The following MIIP variants were observed in gnomAD, a reference collection of about 807,000 sequenced individuals.
MIIP encodes the protein migration and invasion-inhibitory protein.
Under a neutral mutation model 44.8 loss-of-function variants are expected in MIIP, and 44 were observed. The ratio of observed to expected loss-of-function variants is 0.98; its 90% CI spans 0.77 to 1.26. The LOEUF (loss-of-function observed/expected upper bound fraction) is 1.26. MIIP is among the 50% of genes most tolerant of loss of function. MIIP has a pLI of 0.00. For missense variants in MIIP, 496 were observed against 511.7 expected (o/e 0.97, Z 0.30); for synonymous variants, 225 against 218.3 (o/e 1.03, Z -0.27).
chr1:12,029,044 A>T lies in MIIP; in HGVS notation c.559A>T (p.Thr187Ser), dbSNP rs760984578. The part of the protein sequence containing the change: ...GYDWIAGSLD[T>S]SSSITSQPEA... ...TTTGCCCACACCAGGGTCTCTGGAC[A>T]CCAGCTCTTCCATCACCAGCCAGCC... The change falls in exon 5 of 10, where the codon ACC (threonine) becomes TCC (serine). Residue 187 changes from threonine (T) to serine (S), a missense_variant. Thr to Ser is a moderately conservative substitution (Grantham distance 58). Coordinates refer to ENST00000235332, the MANE Select transcript of MIIP (RefSeq NM_021933.4). The T allele has an allele frequency of 2.5e-6, 4 of 1,614,044 alleles. No individual in the cohort carries two copies. In the South Asian group the frequency reaches 3.3e-5, roughly 13 times the overall value.
In MIIP at chr1:12,022,438, C is replaced by T; in HGVS notation, c.458C>T (p.Ser153Phe). 6.5e-7 allele frequency: 1 copy of T among 1,547,194 alleles called. No individual in the cohort carries two copies. Among genetic ancestry groups the T allele is most frequent in the Non-Finnish European group, 8.7e-7 (1 of 1,147,584 alleles). ...RSILAQQSKL[S>F]KPRVTFSEES... is the part of the protein sequence containing the mutation. ...ATCCTGGCTCAACAGAGCAAGCTGT[C>T]CAAGGTAACGTGGGAGAGCGGGACA... The change falls in exon 3 of 10, where the codon TCC becomes TTC. Residue 153 changes from serine (S) to phenylalanine (F), a missense_variant. Ser to Phe is a radical substitution (Grantham distance 155). Transcript: ENST00000235332.
chr1:12,020,580 T>C (rs1313049097), intron 1 of MIIP, among the ~76,000 whole-genome samples: 1 of 152,228 alleles, frequency 6.6e-6, no homozygotes, highest in Non-Finnish European at 1.5e-5. Context: ...TGATCTCCAC[T>C]CACTACAACC....
At chr1:12,025,040 G>GTT (rs1640074638) in intron 4 of MIIP, among the ~76,000 whole-genome samples, 7 of 138,846 alleles carry the variant, frequency 5.0e-5, no homozygotes, top group African/African-American at 5.5e-5. Context: ...TTTTTTTTTT[G>GTT]TTTTTTGTTT....
rs545231878 is a variant in MIIP at position 12,031,019 on chromosome 1, G to A, written c.943-247G>A. The A allele has an allele frequency of 3.7e-5, 19 of 512,800 alleles. No individual in the cohort carries two copies. The East Asian group carries it at 6.0e-4, about 16-fold the overall frequency. 31.8% of individuals were successfully genotyped at this position (512,800 alleles called of 1,614,324 possible). ...GTGCTTGGAGAGCCTACAGCAGGAA[G>A]TACCCTGTGAATGTCACTGTCACCG... On this transcript the variant is annotated intron_variant, in intron 8 of 9. Transcript: ENST00000235332.
At chr1:12,029,700 G>A in intron 6 of MIIP, 65 bp from the exon 7 acceptor site, 4 of 1,576,416 alleles carry the variant, frequency 2.5e-6, no homozygotes, top group Non-Finnish European at 3.5e-6. Flanking sequence ...GCTGAGGGCA[G>A]CACGGAGCCT....
chr1:12,021,254 C>T (rs1360908742), intron 1 of MIIP, among the ~76,000 whole-genome samples: 1 of 151,606 alleles, frequency 6.6e-6, no homozygotes, highest in Admixed American at 6.6e-5. Flanking sequence ...ATTAGCTGGG[C>T]GTGGTGGCAG....
chr1:12,020,518 G>A (rs187599672), intron 1 of MIIP, among the ~76,000 whole-genome samples: 7 of 151,982 alleles, frequency 4.6e-5, no homozygotes, highest in Non-Finnish European at 5.9e-5. Flanking sequence ...TTTGTATTTT[G>A]TGTGTGTGTG....
intron 4 of MIIP, among the ~76,000 whole-genome samples, chr1:12,027,252 T>G (rs1640123071): frequency 6.6e-6 from 1 of 152,174 alleles, no homozygotes; most frequent in African/African-American, 2.4e-5. Context: ...TCAAGTGATC[T>G]GCCCGCCTTG....
At position 12,022,257 on chromosome 1, in the gene MIIP, G is replaced by A. The variant is rs1167084182; in HGVS notation, c.277G>A (p.Ala93Thr). The change falls in exon 3 of 10, where the codon GCC becomes ACC. Residue 93 changes from alanine to threonine, a missense_variant. By Grantham distance (58) the Ala-to-Thr change is moderately conservative (BLOSUM62 0). Transcript: ENST00000235332. ...DLRDVARSGVASLPPAKCQHQ... is the reference protein window; with the variant it reads ...DLRDVARSGVTSLPPAKCQHQ... ...CCGTGATGTGGCCAGATCGGGGGTG[G>A]CCTCTCTCCCACCTGCCAAATGCCA... is the stretch of plus-strand genomic sequence containing the variant. 6.2e-7 allele frequency: 1 copy of A among 1,613,536 alleles called. No individual in the cohort carries two copies. The highest frequency in any genetic ancestry group is 1.1e-5 in the South Asian group (1 of 91,024).
chr1:12,028,800 C>T (rs1640158605), intron 4 of MIIP: 1 of 554,500 alleles, frequency 1.8e-6, no homozygotes, highest in Admixed American at 3.1e-5. Flanking sequence ...CATAAGGGCT[C>T]TGTCGATATT....
chr1:12,030,060 C>G lies in MIIP; in HGVS notation c.878C>G (p.Pro293Arg), dbSNP rs755192697. 2 of 1,613,396 alleles carry G rather than the reference C, an allele frequency of 1.2e-6. No individual in the cohort carries two copies. The highest frequency in any genetic ancestry group is 2.7e-5 in the African/African-American group (2 of 74,912). The change falls in exon 8 of 10, where the codon CCG becomes CGG. Residue 293 changes from proline to arginine, a missense_variant. Transcript: ENST00000235332. ...ATCCCGCTGTCGATCCTGGAGCCCC[C>G]GCACCGGTACCACATCCACCGGCGA... ...VSIPLSILEP[P>R]HRYHIHRRKS...
intron 4 of MIIP, among the ~76,000 whole-genome samples, chr1:12,023,808 A>C (rs1640042603): frequency 6.6e-6 from 1 of 152,002 alleles, no homozygotes; most frequent in Non-Finnish European, 1.5e-5. Flanking sequence ...AGCTTGACCA[A>C]CATGGTGAAA....
chr1:12,029,399 G>C (rs1024981368), intron 6 of MIIP, 118 bp downstream of exon 6: 1 of 1,126,140 alleles, frequency 8.9e-7, no homozygotes, highest in African/African-American at 1.6e-5. Flanking sequence ...CTGAGATGTT[G>C]AGACTCATGG....
At chr1:12,031,551 T>G in intron 9 of MIIP, 148 bp downstream of exon 9, 25 of 1,581,186 alleles carry the variant, frequency 1.6e-5, no homozygotes, top group Non-Finnish European at 2.1e-5. Context: ...GGTCCAGCCC[T>G]CCAGCCCTGA....
intron 1 of MIIP, among the ~76,000 whole-genome samples, chr1:12,020,144 A>G (rs973975230): frequency 6.6e-6 from 1 of 152,072 alleles, no homozygotes; most frequent in Non-Finnish European, 1.5e-5. Context: ...AGAACCCTGA[A>G]CTCATGGACC....
chr1:12,031,032 G>A, intron 8 of MIIP: 1 of 540,114 alleles, frequency 1.9e-6, no homozygotes, highest in Non-Finnish European at 3.3e-6. Context: ...CCCTGTGAAT[G>A]TCACTGTCAC....
rs1291817968 is a variant in MIIP at position 12,031,960 on chromosome 1, T to G, written c.*152T>G. ...GGTGGACCCAAGCTTGTCTGCTGCCTGAGTTCCAGAGAGGGAGGACCCTGG... is the reference window on the plus strand; with the variant it reads ...GGTGGACCCAAGCTTGTCTGCTGCCGGAGTTCCAGAGAGGGAGGACCCTGG... On this transcript the variant is annotated 3_prime_UTR_variant, in exon 10 of 10. Transcript: ENST00000235332. The G allele has an allele frequency of 2.7e-5, 19 of 711,480 alleles. No individual in the cohort carries two copies. Among genetic ancestry groups the G allele is most frequent in the Non-Finnish European group, 4.4e-5 (19 of 427,832 alleles). 44.1% of individuals were successfully genotyped at this position (711,480 alleles called of 1,614,324 possible).
chr1:12,029,266 G>T lies in MIIP; in HGVS notation c.700G>T (p.Glu234Ter). The change falls in exon 6 of 10, where the codon GAG (glutamate) becomes TAG (stop). Residue 234 changes from glutamate to a stop codon, truncating the protein, a stop_gained. Transcript: ENST00000235332. LOFTEE classifies it high-confidence loss of function. ...GCGTGAGAGCAGTGGCAGCGGCGTG[G>T]AGGAAGACCATGAATGTGAGTGCGG... is the stretch of plus-strand genomic sequence containing the variant. ...GLRESSGSGV[E>*]EDHECVYCYR... 1.2e-6 allele frequency: 2 copies of T among 1,613,444 alleles called. No individual in the cohort carries two copies. Among genetic ancestry groups the T allele is most frequent in the Non-Finnish European group, 1.7e-6 (2 of 1,179,826 alleles).
Position 12,029,112 on chromosome 1 carries a change from C to T in MIIP, c.627C>T (p.Asn209=). The change falls in exon 5 of 10, where the codon AAC becomes AAT. Residue 209 remains asparagine, a synonymous_variant. Coordinates refer to ENST00000235332, the MANE Select transcript of MIIP (RefSeq NM_021933.4). ...AGCTGCAGGAGTTTCGGGAAACCAA[C>T]AAGGAGGAGTGTATCTGCAGCCATC... is the stretch of plus-strand genomic sequence containing the variant. ...FSKLQEFRET[N]KEECICSHPE... 1.2e-6 allele frequency: 2 copies of T among 1,614,026 alleles called. No individual in the cohort carries two copies. The highest frequency in any genetic ancestry group is 1.7e-6 in the Non-Finnish European group (2 of 1,180,000).
Sources: gnomAD v4.1 joint callset for allele counts (sites outside exome capture counted in the v4.1 genomes callset) on GRCh38, gnomAD v4.1.1 for gene constraint, MANE v1.5 for transcripts, NCBI Gene and HGNC (gene_info 2026-07-23, HGNC 2026-07-21) for gene names.